NYAP2: variants seen among roughly 807,000 people sequenced by gnomAD.
NYAP2 encodes neuronal tyrosine-phosphorylated phosphoinositide-3-kinase adaptor 2, also known as neuronal tyrosine-phosphorylated phosphoinositide-3-kinase adapter 2.
In NYAP2, 23 loss-of-function variants were observed where a neutral mutation model predicts 50.4. The observed-to-expected ratio is 0.46, with a 90% CI of 0.33 to 0.65. The LOEUF is 0.65. Among genes scored for constraint, NYAP2 ranks in the 30% least tolerant of loss-of-function variants. NYAP2 has a pLI of 0.02. For missense variants in NYAP2, 885 were observed against 861.0 expected (o/e 1.03, Z -0.35); for synonymous variants, 394 against 365.2 (o/e 1.08, Z -0.90).
chr2:225,519,549 A>G (rs1195888655), intron 4 of NYAP2, among the ~76,000 whole-genome samples: 6 of 151,334 alleles, frequency 4.0e-5, no homozygotes, highest in Non-Finnish European at 7.4e-5. Context: ...GCGATAGTTT[A>G]CTGAGAATGA....
chr2:225,462,784 G>T lies in NYAP2; in HGVS notation c.222-50587G>T, dbSNP rs77114764. ...TTTAGAGCCCCCTCTAGTAGCTTCAGTTGGTCCATTAAAAAAACTGACCTG... is the reference window on the plus strand; with the variant it reads ...TTTAGAGCCCCCTCTAGTAGCTTCATTTGGTCCATTAAAAAAACTGACCTG... On this transcript the variant is annotated intron_variant, in intron 3 of 6. Transcript: ENST00000636099. Among the ~76,000 whole-genome samples the T allele has an allele frequency of 4.0e-3, 590 of 147,864 alleles. 5 individuals carry two copies. Among genetic ancestry groups the T allele is most frequent in the African/African-American group, 0.015 (557 of 37,970 alleles).
chr2:225,509,226 G>A (rs1271715246), intron 3 of NYAP2, among the ~76,000 whole-genome samples: 1 of 152,092 alleles, frequency 6.6e-6, no homozygotes, highest in Non-Finnish European at 1.5e-5. Context: ...TAACCTTTCT[G>A]GGCCAGGGTT....
chr2:225,488,415 C>A (rs569831437), intron 3 of NYAP2, among the ~76,000 whole-genome samples: 5 of 152,190 alleles, frequency 3.3e-5, no homozygotes, highest in African/African-American at 9.6e-5. Flanking sequence ...ACTCTGTCAC[C>A]CAGGCTGGAG....
the NYAP2 span, among the ~76,000 whole-genome samples, chr2:225,689,918 A>T: frequency 6.6e-6 from 1 of 152,170 alleles, no homozygotes; most frequent in African/African-American, 2.4e-5. Flanking sequence ...TAAGTAACTT[A>T]TACAATGTCA....
chr2:225,403,784 C>T (rs372540766), intron 2 of NYAP2, among the ~76,000 whole-genome samples: 1 of 151,936 alleles, frequency 6.6e-6, no homozygotes, highest in Admixed American at 6.6e-5. Context: ...ATACTAGTAC[C>T]TATAAAACTC....
At chr2:225,614,293 A>G (rs1020408939) in intron 5 of NYAP2, among the ~76,000 whole-genome samples, 2 of 152,214 alleles carry the variant, frequency 1.3e-5, no homozygotes, top group African/African-American at 4.8e-5. Flanking sequence ...ATTTATGAAC[A>G]TTTTAAAATA....
intron 3 of NYAP2, among the ~76,000 whole-genome samples, chr2:225,415,679 G>A (rs1695111642): frequency 6.6e-6 from 1 of 152,128 alleles, no homozygotes; most frequent in Non-Finnish European, 1.5e-5. Flanking sequence ...TTGGAGGCAT[G>A]TAGAAAAGTG....
At chr2:225,443,076 C>T (rs1689495479) in intron 3 of NYAP2, among the ~76,000 whole-genome samples, 1 of 152,080 alleles carries the variant, frequency 6.6e-6, no homozygotes, top group Admixed American at 6.5e-5. Context: ...AAAGCCTGCC[C>T]ACATGATTTA....
At chr2:225,438,212 T>C (rs1339179205) in intron 3 of NYAP2, among the ~76,000 whole-genome samples, 1 of 152,192 alleles carries the variant, frequency 6.6e-6, no homozygotes, top group African/African-American at 2.4e-5. Context: ...TCCCACTGAT[T>C]GGTTCTAGAT....
chr2:225,483,507 C>T (rs961182846), intron 3 of NYAP2, among the ~76,000 whole-genome samples: 27 of 152,138 alleles, frequency 1.8e-4, no homozygotes, highest in African/African-American at 6.5e-4. Context: ...GGTAAAAGCA[C>T]TGGTCAAAAT....
chr2:225,468,356 C>G (rs545879654), intron 3 of NYAP2, among the ~76,000 whole-genome samples: 1 of 152,278 alleles, frequency 6.6e-6, no homozygotes, highest in East Asian at 1.9e-4. Flanking sequence ...TTCTAGCCTC[C>G]AGAACTTCAA....
intron 3 of NYAP2, among the ~76,000 whole-genome samples, chr2:225,417,013 G>A (rs796780903): frequency 9.2e-5 from 14 of 152,264 alleles, no homozygotes; most frequent in African/African-American, 3.4e-4. Flanking sequence ...TGGAGAGATG[G>A]TTATAGACTG....
chr2:225,579,538 T>C (rs1455245400), intron 4 of NYAP2, among the ~76,000 whole-genome samples: 1 of 152,244 alleles, frequency 6.6e-6, no homozygotes, highest in African/African-American at 2.4e-5. Flanking sequence ...TTTCTGTTTC[T>C]TTTGGCAAAC....
chr2:225,518,544 ATATATATATATATATATATAT>A lies in NYAP2; in HGVS notation c.523+4873_523+4893del, dbSNP rs1559202466. On this transcript the variant is annotated intron_variant, in intron 4 of 6. Transcript: ENST00000636099. The stretch of plus-strand genomic sequence containing the variant: ...CTAATATATATATATATATATATAT[ATATATATATATATATATATAT>A]ATATTAGCGTGTGCGCTTATATATA... Among the ~76,000 whole-genome samples the A allele has an allele frequency of 9.7e-4, 69 of 71,030 alleles. 3 individuals carry two copies. The highest frequency in any genetic ancestry group is 3.6e-3 in the African/African-American group (68 of 19,064). The allele number at this position is 71,030 out of a possible 152,430, so 46.6% of individuals were successfully genotyped here.
intron 6 of NYAP2, 124 bp from the exon 7 acceptor site, chr2:225,651,308 A>G (rs1188251094): frequency 3.1e-6 from 4 of 1,300,654 alleles, no homozygotes; most frequent in Non-Finnish European, 4.4e-6. Context: ...ACTTATTAGC[A>G]AACATCAGGA....
the NYAP2 span, among the ~76,000 whole-genome samples, chr2:225,684,146 A>G: frequency 0.076 from 11,586 of 152,250 alleles, 506 homozygotes; most frequent in East Asian, 0.24. Flanking sequence ...AGAGAGACAC[A>G]AACTCCAATA....
At chr2:225,595,573 G>A (rs769225335) in intron 5 of NYAP2, among the ~76,000 whole-genome samples, 14 of 152,158 alleles carry the variant, frequency 9.2e-5, no homozygotes, top group Non-Finnish European at 1.6e-4. Context: ...TTTTGTCAAT[G>A]TTGAAATGGT....
chr2:225,658,690 G>C (rs1007344528), downstream of NYAP2, among the ~76,000 whole-genome samples: 6 of 152,066 alleles, frequency 3.9e-5, no homozygotes, highest in African/African-American at 1.4e-4. Context: ...AGTTCTTTAT[G>C]GCACTCTCTA....
chr2:225,642,795 A>G (rs1027883517), intron 6 of NYAP2, among the ~76,000 whole-genome samples: 9 of 152,188 alleles, frequency 5.9e-5, no homozygotes, highest in African/African-American at 2.2e-4. Flanking sequence ...TATTCCAGAA[A>G]AAGAGGAAAT....
Sources: allele counts gnomAD v4.1 joint callset (sites outside exome capture counted in the v4.1 genomes callset), GRCh38; gene constraint gnomAD v4.1.1; transcripts MANE v1.5; gene names NCBI Gene and HGNC (gene_info 2026-07-23, HGNC 2026-07-21).